Variants in PAG1 observed in about 807,000 individuals in gnomAD.
PAG1 encodes phosphoprotein membrane anchor with glycosphingolipid microdomains 1, also known as phosphoprotein associated with glycosphingolipid-enriched microdomains 1.
Under a neutral mutation model 31.7 loss-of-function variants are expected in PAG1, and 23 were observed. The observed-to-expected ratio is 0.73, with a 90% CI of 0.52 to 1.03. The LOEUF (loss-of-function observed/expected upper bound fraction) is 1.03, where lower values mean the gene tolerates loss of function less well. PAG1 is among the 50% of genes least tolerant of loss of function. PAG1 has a pLI of 0.00. For synonymous variants in PAG1, 214 were observed against 210.3 expected, an observed-to-expected ratio of 1.02 and a Z score of -0.15; for missense variants, 473 against 540.7, an observed-to-expected ratio of 0.87 and a Z score of 1.24.
chr8:81,003,627 G>A (rs1400323410), intron 3 of PAG1, among the ~76,000 whole-genome samples: 1 of 152,148 alleles, frequency 6.6e-6, no homozygotes, highest in Non-Finnish European at 1.5e-5. Flanking sequence ...GGCCTGAAGC[G>A]AGTCCAAGCC....
intron 2 of PAG1, among the ~76,000 whole-genome samples, chr8:81,047,987 A>G (rs973487666): frequency 6.6e-6 from 1 of 152,220 alleles, no homozygotes; most frequent in African/African-American, 2.4e-5. Context: ...AAGTACTCAA[A>G]TGCACCATTT....
intron 1 of PAG1, among the ~76,000 whole-genome samples, chr8:81,097,937 T>C (rs755017298): frequency 9.9e-5 from 15 of 152,236 alleles, no homozygotes; most frequent in Non-Finnish European, 1.8e-4. Context: ...GGTGCAACAC[T>C]ACACTCTGCT....
intron 3 of PAG1, among the ~76,000 whole-genome samples, chr8:81,008,370 A>G (rs1380533074): frequency 1.1e-4 from 17 of 151,988 alleles, no homozygotes; most frequent in Admixed American, 1.1e-3. Context: ...TCCCTTTACG[A>G]AGAACATAAT....
chr8:81,103,318 T>C (rs57349312), intron 1 of PAG1, among the ~76,000 whole-genome samples: 1,741 of 152,260 alleles, frequency 0.011, 34 homozygotes, highest in African/African-American at 0.04. Context: ...TAACACCCCC[T>C]AATTCTTCTT....
intron 2 of PAG1, among the ~76,000 whole-genome samples, chr8:81,061,683 T>C (rs1310987322): frequency 1.3e-5 from 2 of 152,066 alleles, no homozygotes; most frequent in African/African-American, 2.4e-5. Context: ...ACAAAACAGA[T>C]GGGGTCTTAG....
intron 4 of PAG1, among the ~76,000 whole-genome samples, chr8:80,992,463 A>C (rs571990517): frequency 6.6e-6 from 1 of 152,220 alleles, no homozygotes; most frequent in Non-Finnish European, 1.5e-5. Context: ...TGTGCTTTGT[A>C]ACAGTTCCAG....
chr8:80,984,694 T>C, intron 7 of PAG1, 82 bp downstream of exon 7: 1 of 1,316,354 alleles, frequency 7.6e-7, no homozygotes, highest in African/African-American at 1.5e-5. Context: ...TTGCAGATAT[T>C]TCCCAGAACA....
chr8:81,056,754 A>C (rs1488568899), intron 2 of PAG1, among the ~76,000 whole-genome samples: 3 of 152,244 alleles, frequency 2.0e-5, no homozygotes, highest in African/African-American at 7.2e-5. Flanking sequence ...TCTGCAGAGC[A>C]AAAGAAACTA....
At chr8:81,096,150 A>C (rs974589293) in intron 1 of PAG1, among the ~76,000 whole-genome samples, 1 of 152,230 alleles carries the variant, frequency 6.6e-6, no homozygotes, top group Non-Finnish European at 1.5e-5. Flanking sequence ...TAAAACTACT[A>C]TATTTGGAAG....
intron 3 of PAG1, among the ~76,000 whole-genome samples, chr8:81,023,775 C>T (rs1586171653): frequency 1.3e-5 from 2 of 152,100 alleles, no homozygotes; most frequent in African/African-American, 4.8e-5. Flanking sequence ...TAAAACTCCA[C>T]AAATACATTA....
At chr8:81,033,178 T>C (rs752399606) in intron 2 of PAG1, among the ~76,000 whole-genome samples, 1 of 152,114 alleles carries the variant, frequency 6.6e-6, no homozygotes, top group Admixed American at 6.5e-5. Context: ...AGGATTTGGA[T>C]GTTATAAGTA....
chr8:81,099,479 T>C (rs1298267891), intron 1 of PAG1, among the ~76,000 whole-genome samples: 2 of 152,138 alleles, frequency 1.3e-5, no homozygotes, highest in Non-Finnish European at 2.9e-5. Context: ...AGTCTGAGAG[T>C]TCCGATAACT....
At chr8:81,061,288 T>A (rs900881691) in intron 2 of PAG1, among the ~76,000 whole-genome samples, 5 of 152,234 alleles carry the variant, frequency 3.3e-5, no homozygotes, top group Admixed American at 3.3e-4. Context: ...TCTGGCCAAT[T>A]GATCTTGAGG....
chr8:81,025,019 T>C (rs1214575170), intron 3 of PAG1, among the ~76,000 whole-genome samples: 2 of 152,202 alleles, frequency 1.3e-5, no homozygotes, highest in Non-Finnish European at 2.9e-5. Context: ...ATCCTCCATA[T>C]TTTACAAATG....
chr8:81,013,961 G>C (rs922263948), intron 3 of PAG1, among the ~76,000 whole-genome samples: 6 of 152,158 alleles, frequency 3.9e-5, no homozygotes, highest in Admixed American at 1.3e-4. Flanking sequence ...AGAATGTTCA[G>C]GGATCTCTGA....
intron 3 of PAG1, among the ~76,000 whole-genome samples, chr8:81,006,860 A>G (rs1168984158): frequency 6.6e-6 from 1 of 152,192 alleles, no homozygotes. Flanking sequence ...GAGGCCTTAG[A>G]ATATGGATTC....
chr8:81,022,124 T>C (rs1808183377), intron 3 of PAG1, among the ~76,000 whole-genome samples: 9 of 152,234 alleles, frequency 5.9e-5, no homozygotes, highest in Admixed American at 5.9e-4. Context: ...GATGCTGTAC[T>C]ATAAATAGGG....
At chr8:81,058,527 T>C (rs1586193942) in intron 2 of PAG1, 2 of 151,424 alleles carry the variant, frequency 1.3e-5, no homozygotes, top group African/African-American at 4.9e-5. Context: ...AGCCCAGGAG[T>C]TGGAGGCTGC....
intron 1 of PAG1, among the ~76,000 whole-genome samples, chr8:81,092,189 C>CAAAAAAAAAAAAAAAAAAAAAAGA (rs1809457666): frequency 1.4e-5 from 1 of 71,402 alleles, no homozygotes; most frequent in Non-Finnish European, 2.6e-5. Context: ...CACATCTCTG[C>CAAAAAAAAAAAAAAAAAAAAAAGA]AAAAAAAAAA....
Sources: allele counts gnomAD v4.1 joint callset (sites outside exome capture counted in the v4.1 genomes callset), GRCh38; gene constraint gnomAD v4.1.1; transcripts MANE v1.5; gene names NCBI Gene and HGNC (gene_info 2026-07-23, HGNC 2026-07-21).